The following RORB variants were observed in gnomAD, a reference collection of about 807,000 sequenced individuals.
The protein encoded by RORB is nuclear receptor ROR-beta.
In RORB, 6 loss-of-function variants were observed where a neutral mutation model predicts 59.1. The ratio of observed to expected loss-of-function variants is 0.10; its 90% CI spans 0.06 to 0.20. The LOEUF is 0.20. Among genes scored for constraint, RORB ranks in the 10% least tolerant of loss-of-function variants. The pLI, the probability that RORB is intolerant of heterozygous loss-of-function variation, is 1.00. For missense variants in RORB, 320 were observed against 560.5 expected (o/e 0.57, Z 4.33); for synonymous variants, 215 against 204.5 (o/e 1.05, Z -0.44).
At position 74,662,378 on chromosome 9, in the gene RORB, A is replaced by G; in HGVS notation, c.760-96A>G. The G allele has an allele frequency of 2.5e-6, 3 of 1,181,840 alleles. 1 individual carries two copies. The highest frequency in any genetic ancestry group is 2.8e-5 in the South Asian group (2 of 72,710). 73.2% of individuals were successfully genotyped at this position (1,181,840 alleles called of 1,614,324 possible). A position where few individuals can be genotyped will look rare whatever the true frequency, so the allele number is the denominator to read the frequency against. Reference sequence around the variant, plus strand: ...ATATAAATTCCCTCCTTTGGCCCCAAGTGACAGATAAGCACCAGTAAGGCA... The same window carrying G: ...ATATAAATTCCCTCCTTTGGCCCCAGGTGACAGATAAGCACCAGTAAGGCA... On this transcript the variant is annotated intron_variant, in intron 5 of 9. Transcript: ENST00000376896.
At position 74,634,756 on chromosome 9, in the gene RORB, A is replaced by G. The variant is rs772732143; in HGVS notation, c.219A>G (p.Leu73=). The change falls in exon 3 of 10, where the codon CTA becomes CTG. Residue 73 remains leucine, a synonymous_variant. Coordinates refer to ENST00000376896, the MANE Select transcript of RORB (RefSeq NM_006914.4). ...GCCGACTGCAGAAGTGTCTTGCCCT[A>G]GGAATGTCAAGAGATGGTAAGACAT... The part of the protein sequence containing the change: ...QHCRLQKCLA[L]GMSRDAVKFG... The G allele has an allele frequency of 1.8e-4, 292 of 1,612,390 alleles. 4 individuals are homozygous for G. In the South Asian group the frequency reaches 3.0e-3, roughly 17 times the overall value.
chr9:74,608,783 T>C (rs1432714900), intron 1 of RORB, among the ~76,000 whole-genome samples: 1 of 152,194 alleles, frequency 6.6e-6, no homozygotes, highest in Non-Finnish European at 1.5e-5. Context: ...TAATCCCTAT[T>C]CTACGTTGCA....
intron 1 of RORB, among the ~76,000 whole-genome samples, chr9:74,507,093 T>C (rs1241738141): frequency 1.3e-5 from 2 of 152,194 alleles, no homozygotes; most frequent in Non-Finnish European, 2.9e-5. Context: ...GCAATTTGTC[T>C]CTGGTGTTCC....
At chr9:74,594,280 T>C (rs1235929049) in intron 1 of RORB, among the ~76,000 whole-genome samples, 2 of 152,166 alleles carry the variant, frequency 1.3e-5, no homozygotes, top group African/African-American at 4.8e-5. Flanking sequence ...GAACACTGCA[T>C]AGCACTGCCC....
At chr9:74,499,524 A>T (rs1168686088) in intron 1 of RORB, among the ~76,000 whole-genome samples, 1 of 152,084 alleles carries the variant, frequency 6.6e-6, no homozygotes, top group African/African-American at 2.4e-5. Flanking sequence ...GGACGTCCTG[A>T]TGGGATGGTC....
At chr9:74,656,761 C>G (rs1028244718) in intron 4 of RORB, among the ~76,000 whole-genome samples, 28 of 151,994 alleles carry the variant, frequency 1.8e-4, no homozygotes, top group Admixed American at 1.4e-3. Flanking sequence ...AGACAAAAAA[C>G]AGACCATACT....
intron 8 of RORB, among the ~76,000 whole-genome samples, chr9:74,668,421 A>G (rs1183470722): frequency 1.3e-5 from 2 of 152,158 alleles, no homozygotes; most frequent in Non-Finnish European, 2.9e-5. Context: ...TTAGCAATAC[A>G]TTTGACCTTG....
At chr9:74,528,694 C>A (rs1250897906) in intron 1 of RORB, among the ~76,000 whole-genome samples, 1 of 151,898 alleles carries the variant, frequency 6.6e-6, no homozygotes, top group Non-Finnish European at 1.5e-5. Flanking sequence ...TTTTCTTCTT[C>A]TTTTGTAATG....
chr9:74,607,592 A>G (rs1823167143), intron 1 of RORB, among the ~76,000 whole-genome samples: 1 of 137,600 alleles, frequency 7.3e-6, no homozygotes. Flanking sequence ...TACTATATAT[A>G]TATTTATTTA....
intron 1 of RORB, among the ~76,000 whole-genome samples, chr9:74,628,275 G>A (rs186527071): frequency 6.6e-6 from 1 of 152,146 alleles, no homozygotes; most frequent in Non-Finnish European, 1.5e-5. Flanking sequence ...AGTCTCATAA[G>A]TATTTTAGAG....
chr9:74,517,617 AT>A (rs869113879), intron 1 of RORB, among the ~76,000 whole-genome samples: 1 of 151,998 alleles, frequency 6.6e-6, no homozygotes, highest in Admixed American at 6.6e-5. Context: ...ATCTAATTTT[AT>A]TTTTTTAAAA....
rs144865228 is a variant in RORB, at chr9:74,510,655, G to A, written c.7+12672G>A. 8.7e-3 allele frequency among the ~76,000 whole-genome samples: 1,327 copies of A among 152,262 alleles called. 10 individuals carry two copies. Among genetic ancestry groups the A allele is most frequent in the Non-Finnish European group, 0.014 (927 of 67,994 alleles). ...ACGCAGGACAGGTATGAATAGGAAT[G>A]TGTCCAGAGTACCCAGATCAAAGAA... On this transcript the variant is annotated intron_variant, in intron 1 of 9. Coordinates refer to ENST00000376896, the MANE Select transcript of RORB (RefSeq NM_006914.4).
At chr9:74,629,695 G>T (rs1823583887) in intron 1 of RORB, among the ~76,000 whole-genome samples, 1 of 151,982 alleles carries the variant, frequency 6.6e-6, no homozygotes, top group Non-Finnish European at 1.5e-5. Flanking sequence ...AGCATCATTA[G>T]CATATGTTAT....
At position 74,497,831 on chromosome 9, in the gene RORB, G is replaced by T; in HGVS notation, c.-146G>T. 1.1e-6 allele frequency: 1 copy of T among 898,242 alleles called. No individual in the cohort carries two copies. Among genetic ancestry groups the T allele is most frequent in the Non-Finnish European group, 1.7e-6 (1 of 580,422 alleles). The allele number at this position is 898,242 out of a possible 1,614,324, so 55.6% of individuals were successfully genotyped here. A position where few individuals can be genotyped will look rare whatever the true frequency, so the allele number is the denominator to read the frequency against. On this transcript the variant is annotated 5_prime_UTR_variant, in exon 1 of 10. Coordinates refer to ENST00000376896, the MANE Select transcript of RORB (RefSeq NM_006914.4). ...CGGCAAACGTCACCCTGCAGCCACGGCGTCCGCCTAAAGGGATGGTTTTCT... is the reference window on the plus strand; with the variant it reads ...CGGCAAACGTCACCCTGCAGCCACGTCGTCCGCCTAAAGGGATGGTTTTCT...
intron 1 of RORB, among the ~76,000 whole-genome samples, chr9:74,560,698 AT>A (rs1822384609): frequency 6.6e-6 from 1 of 151,420 alleles, no homozygotes; most frequent in South Asian, 2.1e-4. Context: ...AAAATAATAA[AT>A]TTATATAATA....
Position 74,627,255 on chromosome 9 carries a change from G to A in RORB, c.8-3027G>A, listed in dbSNP as rs180686356. 1.8e-3 allele frequency among the ~76,000 whole-genome samples: 268 copies of A among 151,672 alleles called. 1 individual carries two copies. The highest frequency in any genetic ancestry group is 3.1e-3 in the Non-Finnish European group (212 of 67,914). On this transcript the variant is annotated intron_variant, in intron 1 of 9. Coordinates refer to ENST00000376896, the MANE Select transcript of RORB (RefSeq NM_006914.4). Reference sequence around the variant, plus strand: ...AATGAAAAGAATTAGTATTTTAAATGACTTAAATTTACCTTTACCTATCAT... The same window carrying A: ...AATGAAAAGAATTAGTATTTTAAATAACTTAAATTTACCTTTACCTATCAT...
intron 1 of RORB, among the ~76,000 whole-genome samples, chr9:74,563,693 G>A (rs76421819): frequency 0.032 from 4,908 of 152,308 alleles, 114 homozygotes; most frequent in Non-Finnish European, 0.051. Flanking sequence ...ACAGGTATGG[G>A]CAGGGTTAAG....
intron 4 of RORB, among the ~76,000 whole-genome samples, chr9:74,652,840 A>G (rs909606474): frequency 3.3e-5 from 5 of 152,122 alleles, no homozygotes; most frequent in Non-Finnish European, 5.9e-5. Context: ...GATGCCCCCA[A>G]TTTCTGCTTA....
At chr9:74,607,600 T>TTA (rs5898366) in intron 1 of RORB, among the ~76,000 whole-genome samples, 46,498 of 150,870 alleles carry the variant, frequency 0.31, 7,343 homozygotes, top group Non-Finnish European at 0.35. Flanking sequence ...ATATATTTAT[T>TTA]TATATATATA....
Sources: gnomAD v4.1 joint callset for allele counts (sites outside exome capture counted in the v4.1 genomes callset) on GRCh38, gnomAD v4.1.1 for gene constraint, MANE v1.5 for transcripts, NCBI Gene and HGNC (gene_info 2026-07-23, HGNC 2026-07-21) for gene names.